PSMA1: variants seen among roughly 807,000 people sequenced by gnomAD.
PSMA1 encodes the protein proteasome subunit alpha type-1.
A neutral mutation model predicts 38.4 loss-of-function variants in PSMA1; 3 were observed. The ratio of observed to expected loss-of-function variants is 0.08; its 90% CI spans 0.04 to 0.20. The LOEUF is 0.20. Ranked by LOEUF, PSMA1 falls within the 10% of genes least tolerant of loss-of-function variation. The probability of loss-of-function intolerance (pLI) is 1.00; values close to 1 mark genes in which losing one functional copy is unlikely to be tolerated. For synonymous variants in PSMA1, 101 were observed against 107.1 expected (o/e 0.94, Z 0.35); for missense variants, 227 against 325.3 (o/e 0.70, Z 2.32).
At chr11:14,603,545 C>G (rs543284285) in intron 2 of PSMA1, among the ~76,000 whole-genome samples, 3 of 152,272 alleles carry the variant, frequency 2.0e-5, no homozygotes, top group African/African-American at 7.2e-5. Flanking sequence ...GTGTGTGTCA[C>G]AGTGTTTTGT....
intron 2 of PSMA1, among the ~76,000 whole-genome samples, chr11:14,609,430 T>G (rs1852682576): frequency 1.3e-5 from 2 of 152,220 alleles, no homozygotes; most frequent in African/African-American, 4.8e-5. Context: ...AATTGCATTC[T>G]TTTGGGGAAG....
intron 9 of PSMA1, among the ~76,000 whole-genome samples, chr11:14,506,065 T>C (rs1312848443): frequency 6.6e-6 from 1 of 152,164 alleles, no homozygotes; most frequent in Non-Finnish European, 1.5e-5. Flanking sequence ...CAGTTTATGT[T>C]ATCAGTAAGG....
At position 14,534,752 on chromosome 11, in the gene PSMA1, T is replaced by C. The variant is rs866422551; in HGVS notation, c.22-15711A>G. On this transcript the variant is annotated intron_variant, in intron 2 of 10. Coordinates refer to the PSMA1 transcript ENST00000418988. This position sits in a 1 kb window ranked among gnomAD's most constrained non-coding sequence, Gnocchi z 4.5. ...AACATGTATATACATCGTGTGTACATATGCATATTTAAAAAAATTAAAAAA... is the reference window on the plus strand; with the variant it reads ...AACATGTATATACATCGTGTGTACACATGCATATTTAAAAAAATTAAAAAA... Among the ~76,000 whole-genome samples the C allele has an allele frequency of 2.0e-5, 3 of 147,774 alleles. No homozygotes were observed. In the South Asian group the frequency reaches 6.7e-4, roughly 33 times the overall value.
At chr11:14,580,708 A>T (rs1589998559) in intron 2 of PSMA1, among the ~76,000 whole-genome samples, 1 of 152,214 alleles carries the variant, frequency 6.6e-6, no homozygotes, top group African/African-American at 2.4e-5. Flanking sequence ...TGATAGTGGG[A>T]TCCAGGCTTT....
intron 2 of PSMA1, among the ~76,000 whole-genome samples, chr11:14,535,512 C>T (rs1208769079): frequency 3.3e-5 from 5 of 149,470 alleles, no homozygotes; most frequent in Non-Finnish European, 3.0e-5. Context: ...GGCACGATCT[C>T]GGCTCACTGC....
chr11:14,618,196 CT>C (rs1346705487), intron 1 of PSMA1, among the ~76,000 whole-genome samples: 7 of 152,178 alleles, frequency 4.6e-5, no homozygotes, highest in African/African-American at 1.7e-4. Flanking sequence ...GATTATTCCT[CT>C]TACTTCTTTA....
At chr11:14,581,821 T>C (rs535306874) in intron 2 of PSMA1, among the ~76,000 whole-genome samples, 2 of 152,356 alleles carry the variant, frequency 1.3e-5, no homozygotes, top group African/African-American at 4.8e-5. Context: ...CTTTCTTCTA[T>C]ACGAATTTTA....
At chr11:14,606,451 T>G (rs1459930366) in intron 2 of PSMA1, among the ~76,000 whole-genome samples, 3 of 151,748 alleles carry the variant, frequency 2.0e-5, no homozygotes, top group African/African-American at 7.2e-5. Context: ...AAAAAAAGAA[T>G]CTGTTTTGAA....
rs542250357 is a variant in PSMA1 at position 14,517,987 on chromosome 11, GA to G, written c.49-7del. 297 of 1,347,486 alleles carry G rather than the reference GA, an allele frequency of 2.2e-4. No individual in the cohort carries two copies. The highest frequency in any genetic ancestry group is 3.9e-4 in the Admixed American group (16 of 40,654). The allele number at this position is 1,347,486 out of a possible 1,614,324, so 83.5% of individuals were successfully genotyped here. On this transcript the variant is annotated splice_polypyrimidine_tract_variant and splice_region_variant and intron_variant, in intron 2 of 9. Coordinates refer to ENST00000396394, the MANE Select transcript of PSMA1 (RefSeq NM_002786.4). ...TCAATTTGATGAATCCTGCCCTAAA[GA>G]AAAAAAAAACAAAAAACACACATCT...
At chr11:14,561,157 A>G (rs780218226) in intron 2 of PSMA1, among the ~76,000 whole-genome samples, 4 of 152,224 alleles carry the variant, frequency 2.6e-5, no homozygotes, top group Non-Finnish European at 5.9e-5. Context: ...ATTATTTAGA[A>G]AATAAAAAGA....
chr11:14,559,668 G>A (rs1851986947), intron 2 of PSMA1, among the ~76,000 whole-genome samples: 1 of 152,212 alleles, frequency 6.6e-6, no homozygotes, highest in Admixed American at 6.5e-5. Flanking sequence ...CATGCTGCTG[G>A]TGAGGTAAAT....
At chr11:14,505,275 T>G in intron 9 of PSMA1, 27 bp from the exon 10 acceptor site, 1 of 1,593,892 alleles carries the variant, frequency 6.3e-7, no homozygotes, top group Non-Finnish European at 8.6e-7. Context: ...AAAAAGAAAA[T>G]ATGTAAAATG....
chr11:14,547,992 A>C (rs1565042052), intron 2 of PSMA1, among the ~76,000 whole-genome samples: 2 of 151,930 alleles, frequency 1.3e-5, no homozygotes, highest in African/African-American at 4.8e-5. Flanking sequence ...TCTGGTGGGC[A>C]AGATCCTGAG....
chr11:14,539,069 T>C (rs905755207), intron 2 of PSMA1, among the ~76,000 whole-genome samples: 4 of 152,210 alleles, frequency 2.6e-5, no homozygotes, highest in East Asian at 1.9e-4. Context: ...TGTTTTCTTA[T>C]GGGTTCTCAA....
chr11:14,638,537 CTCTCTCTCTATATATATATATATATATA>C (rs1428447863), intron 1 of PSMA1, among the ~76,000 whole-genome samples: 100 of 22,714 alleles, frequency 4.4e-3, no homozygotes, highest in Non-Finnish European at 6.9e-3. Context: ...CTCTCTCTCT[CTCTCTCTCTATATATATATATATATATA>C]TATATATATA....
chr11:14,521,580 T>C (rs1851530997), upstream of PSMA1, among the ~76,000 whole-genome samples: 1 of 149,962 alleles, frequency 6.7e-6, no homozygotes, highest in Non-Finnish European at 1.5e-5. Flanking sequence ...GGTCAGGAGA[T>C]CGGACCATCC....
intron 2 of PSMA1, among the ~76,000 whole-genome samples, chr11:14,546,322 CCAA>C (rs548985053): frequency 9.2e-5 from 14 of 152,154 alleles, no homozygotes; most frequent in African/African-American, 3.4e-4. Context: ...ACCCTGCCCC[CCAA>C]CAACACCAGC....
intron 1 of PSMA1, among the ~76,000 whole-genome samples, chr11:14,519,628 C>A (rs1565034878): frequency 2.0e-5 from 3 of 152,240 alleles, no homozygotes; most frequent in Middle Eastern, 6.8e-3. Flanking sequence ...GAGGTGGACA[C>A]AAATAGCTGC....
At chr11:14,626,368 C>T (rs1231839276) in intron 1 of PSMA1, among the ~76,000 whole-genome samples, 1 of 152,150 alleles carries the variant, frequency 6.6e-6, no homozygotes, top group Admixed American at 6.6e-5. Flanking sequence ...AATCTTGTAC[C>T]TATTCTTATC....
Sources: gnomAD v4.1 joint callset for allele counts (sites outside exome capture counted in the v4.1 genomes callset) on GRCh38, gnomAD v4.1.1 for gene constraint, Gnocchi (gnomAD v3.1) non-coding constraint, MANE v1.5 for transcripts, NCBI Gene and HGNC (gene_info 2026-07-23, HGNC 2026-07-21) for gene names.